The following ITCH variants were observed in gnomAD, a reference collection of about 807,000 sequenced individuals.
ITCH encodes E3 ubiquitin-protein ligase Itchy homolog.
ITCH carries 28 observed loss-of-function variants against 126.8 expected under a neutral mutation model. The observed-to-expected ratio is 0.22, with a 90% CI of 0.16 to 0.30. ITCH has a LOEUF of 0.30. Ranked by LOEUF, ITCH falls within the 10% of genes least tolerant of loss-of-function variation. The pLI is 1.00. For missense variants in ITCH, 631 were observed against 1,032.4 expected, an observed-to-expected ratio of 0.61 and a Z score of 5.33; for synonymous variants, 342 against 340.0, an observed-to-expected ratio of 1.01 and a Z score of -0.06.
At chr20:34,437,913 TA>T (rs967768139) in intron 7 of ITCH, among the ~76,000 whole-genome samples, 2 of 152,148 alleles carry the variant, frequency 1.3e-5, no homozygotes, top group Admixed American at 1.3e-4. Context: ...ACAGCTCCTT[TA>T]AAAAAAGTCT....
At chr20:34,381,629 TG>T (rs1470663585) in intron 2 of ITCH, among the ~76,000 whole-genome samples, 1 of 152,090 alleles carries the variant, frequency 6.6e-6, no homozygotes, top group Admixed American at 6.6e-5. Context: ...GGTTTCACCA[TG>T]TTGGCCAGAC....
At chr20:34,411,400 C>T (rs1979015972) in intron 4 of ITCH, among the ~76,000 whole-genome samples, 1 of 152,156 alleles carries the variant, frequency 6.6e-6, no homozygotes, top group Non-Finnish European at 1.5e-5. Context: ...ATAATCCTCC[C>T]ACCTCGGCCT....
intron 2 of ITCH, among the ~76,000 whole-genome samples, chr20:34,379,567 T>C (rs1208448630): frequency 6.6e-6 from 1 of 151,786 alleles, no homozygotes; most frequent in East Asian, 1.9e-4. Flanking sequence ...CACCTCATCG[T>C]AAAAGTGGAG....
chr20:34,377,077 T>C (rs1601750150), intron 2 of ITCH, among the ~76,000 whole-genome samples: 1 of 152,070 alleles, frequency 6.6e-6, no homozygotes, highest in East Asian at 1.9e-4. Flanking sequence ...ACAAGTAGAA[T>C]AGAAAGAAAA....
chr20:34,510,652 T>G lies in ITCH; in HGVS notation c.*2858T>G, dbSNP rs1339225899. 6.6e-6 allele frequency: 1 copy of G among 152,076 alleles called. No homozygotes were observed. The highest frequency in any genetic ancestry group is 1.5e-5 in the Non-Finnish European group (1 of 68,014). The allele number at this position is 152,076 out of a possible 1,614,324, so 9.4% of individuals were successfully genotyped here. A position where few individuals can be genotyped will look rare whatever the true frequency, so the allele number is the denominator to read the frequency against. On this transcript the variant is annotated 3_prime_UTR_variant, in exon 25 of 25. Coordinates refer to ENST00000374864, the MANE Select transcript of ITCH (RefSeq NM_031483.7). The stretch of plus-strand genomic sequence containing the variant: ...TGATCAAGCAGCTCATAATAATGAA[T>G]TCCTGCTCTGTCTTTTATTATCTTA...
chr20:34,472,085 T>TC (rs1195233669), intron 16 of ITCH, among the ~76,000 whole-genome samples: 1 of 152,140 alleles, frequency 6.6e-6, no homozygotes, highest in Non-Finnish European at 1.5e-5. Context: ...GAACTTGAGT[T>TC]AATTTACTCG....
rs138060007 is a variant in ITCH, at chr20:34,412,761, G to A, written c.337+122G>A. On this transcript the variant is annotated intron_variant, in intron 5 of 24. Transcript: ENST00000374864. ...ACTTTTAAGTTTTACTTGGTTATAG[G>A]ATGAACAGATAGAAGAATTTTACAC... 9.6e-3 allele frequency: 7,500 copies of A among 779,728 alleles called. 44 individuals are homozygous for A. The highest frequency in any genetic ancestry group is 0.013 in the Non-Finnish European group (6,225 of 479,154). 48.3% of individuals were successfully genotyped at this position (779,728 alleles called of 1,614,324 possible).
At chr20:34,374,007 C>G (rs1252261855) in intron 2 of ITCH, among the ~76,000 whole-genome samples, 2 of 152,106 alleles carry the variant, frequency 1.3e-5, no homozygotes, top group Non-Finnish European at 2.9e-5. Context: ...GCCTCAGCCT[C>G]CCATGTAGCT....
chr20:34,450,402 G>T (rs1478810174), intron 12 of ITCH, among the ~76,000 whole-genome samples: 3 of 152,200 alleles, frequency 2.0e-5, no homozygotes, highest in Non-Finnish European at 2.9e-5. Flanking sequence ...ACATGTGAAG[G>T]TGTCAACTTC....
At chr20:34,407,952 T>G (rs1259147057) in intron 3 of ITCH, among the ~76,000 whole-genome samples, 1 of 152,236 alleles carries the variant, frequency 6.6e-6, no homozygotes, top group Admixed American at 6.5e-5. Flanking sequence ...TGACCATGTT[T>G]GTCAATGCAT....
intron 1 of ITCH, among the ~76,000 whole-genome samples, chr20:34,368,485 G>A (rs1177267967): frequency 6.6e-6 from 1 of 151,922 alleles, no homozygotes; most frequent in African/African-American, 2.4e-5. Context: ...CTCAGTAAAG[G>A]CATGTTGACT....
At chr20:34,436,283 T>C (rs571729654) in intron 7 of ITCH, among the ~76,000 whole-genome samples, 342 of 152,264 alleles carry the variant, frequency 2.2e-3, no homozygotes, top group Non-Finnish European at 3.2e-3. Context: ...GATAATACAT[T>C]TTAGGATGCA....
intron 9 of ITCH, chr20:34,441,884 C>T (rs977469093): frequency 1.2e-5 from 4 of 334,254 alleles, no homozygotes; most frequent in Admixed American, 3.9e-5. Context: ...CTGCGCCTGG[C>T]CATTTCTTTC....
At chr20:34,437,088 C>T (rs1983101903) in intron 7 of ITCH, among the ~76,000 whole-genome samples, 1 of 151,772 alleles carries the variant, frequency 6.6e-6, no homozygotes, top group South Asian at 2.1e-4. Context: ...GAGATCACAC[C>T]ACTGCACTCC....
intron 4 of ITCH, among the ~76,000 whole-genome samples, chr20:34,411,587 C>G (rs1241547362): frequency 1.3e-5 from 2 of 152,190 alleles, no homozygotes; most frequent in South Asian, 2.1e-4. Flanking sequence ...TTTTATCTAC[C>G]CATTGCCGTT....
At chr20:34,363,994 C>T (rs989373873) in intron 1 of ITCH, among the ~76,000 whole-genome samples, 5 of 152,172 alleles carry the variant, frequency 3.3e-5, no homozygotes, top group Non-Finnish European at 7.3e-5. Context: ...GCCCTTCCTC[C>T]GGAGAGTGCC....
At chr20:34,364,486 G>T (rs1346054610) in intron 1 of ITCH, among the ~76,000 whole-genome samples, 1 of 152,046 alleles carries the variant, frequency 6.6e-6, no homozygotes, top group Non-Finnish European at 1.5e-5. Flanking sequence ...ATCGGCTAAG[G>T]AATGGTTTAT....
At chr20:34,462,470 T>C (rs1160222574) in intron 14 of ITCH, among the ~76,000 whole-genome samples, 1 of 152,238 alleles carries the variant, frequency 6.6e-6, no homozygotes, top group African/African-American at 2.4e-5. Flanking sequence ...GGTATTGTAC[T>C]GCTTACCAAT....
At chr20:34,377,657 T>G (rs936347493) in intron 2 of ITCH, among the ~76,000 whole-genome samples, 12 of 151,804 alleles carry the variant, frequency 7.9e-5, no homozygotes, top group Non-Finnish European at 1.3e-4. Context: ...TGAGCCCAGG[T>G]ATTCAAGACC....
Sources: gnomAD v4.1 joint callset for allele counts (sites outside exome capture counted in the v4.1 genomes callset) on GRCh38, gnomAD v4.1.1 for gene constraint, MANE v1.5 for transcripts, NCBI Gene and HGNC (gene_info 2026-07-23, HGNC 2026-07-21) for gene names.